NAA60: variants seen among roughly 807,000 people sequenced by gnomAD.
NAA60 encodes N-alpha-acetyltransferase 60.
A neutral mutation model predicts 26.1 loss-of-function variants in NAA60; 8 were observed. That is an observed-to-expected ratio of 0.31 (90% CI 0.18 to 0.55). NAA60 has a LOEUF of 0.55. Among genes scored for constraint, NAA60 ranks in the 20% least tolerant of loss-of-function variants. NAA60 has a pLI of 0.93. For missense variants in NAA60, 290 were observed against 311.3 expected, an observed-to-expected ratio of 0.93 and a Z score of 0.51; for synonymous variants, 131 against 122.5, an observed-to-expected ratio of 1.07 and a Z score of -0.46.
chr16:3,448,582 C>A, intron 2 of NAA60, 42 bp downstream of exon 2: 1 of 1,487,222 alleles, frequency 6.7e-7, no homozygotes, highest in African/African-American at 1.4e-5. Context: ...ATGATGCCCT[C>A]ATAGTCAGAG....
intron 3 of NAA60, among the ~76,000 whole-genome samples, chr16:3,477,704 A>G (rs956927938): frequency 2.0e-5 from 3 of 150,174 alleles, no homozygotes; most frequent in Non-Finnish European, 4.4e-5. Context: ...TGGGAGGCCA[A>G]GGCAGGCCTG....
chr16:3,483,942 A>G (rs2037006909), intron 6 of NAA60: 1 of 321,552 alleles, frequency 3.1e-6, no homozygotes, highest in Non-Finnish European at 5.7e-6. Context: ...CACAAAACGG[A>G]CAGGATCCCC....
intron 2 of NAA60, among the ~76,000 whole-genome samples, chr16:3,459,302 G>C (rs1305839500): frequency 6.6e-6 from 1 of 152,190 alleles, no homozygotes; most frequent in Non-Finnish European, 1.5e-5. Flanking sequence ...ATGTAGCACT[G>C]TGATGTAGAA....
At chr16:3,475,151 G>C (rs543121326) in intron 2 of NAA60, among the ~76,000 whole-genome samples, 3 of 149,032 alleles carry the variant, frequency 2.0e-5, no homozygotes, top group Non-Finnish European at 4.4e-5. Context: ...GTGCAGTGGC[G>C]CAGTCTTGGC....
chr16:3,451,785 G>A (rs1022183772), intron 2 of NAA60, among the ~76,000 whole-genome samples: 5 of 151,668 alleles, frequency 3.3e-5, no homozygotes, highest in Admixed American at 1.3e-4. Context: ...AGGCTTGGTG[G>A]TAGGCGCCTG....
chr16:3,462,086 C>CAAA (rs1228233879), intron 2 of NAA60, among the ~76,000 whole-genome samples: 3 of 76,796 alleles, frequency 3.9e-5, no homozygotes, highest in Admixed American at 3.1e-4. Flanking sequence ...GACCTTATAT[C>CAAA]AAAAAAAAAA....
At chr16:3,445,440 A>T (rs1202764229) in intron 1 of NAA60, among the ~76,000 whole-genome samples, 11 of 144,856 alleles carry the variant, frequency 7.6e-5, no homozygotes, top group Non-Finnish European at 1.5e-4. Flanking sequence ...CGTCCGGCTA[A>T]TTTTTTTTTT....
chr16:3,478,064 AAATAATAAT>A (rs60478448), intron 3 of NAA60, among the ~76,000 whole-genome samples: 6 of 137,226 alleles, frequency 4.4e-5, no homozygotes, highest in South Asian at 2.4e-4. Flanking sequence ...CTCTGTCTCA[AAATAATAAT>A]AATAATAATA....
intron 4 of NAA60, among the ~76,000 whole-genome samples, chr16:3,482,131 A>T (rs1373838216): frequency 6.6e-6 from 1 of 152,152 alleles, no homozygotes; most frequent in Non-Finnish European, 1.5e-5. Context: ...ATCCAGGCCT[A>T]CCAGGTGACA....
At chr16:3,465,511 G>T (rs1355853942) in intron 2 of NAA60, among the ~76,000 whole-genome samples, 1 of 152,142 alleles carries the variant, frequency 6.6e-6, no homozygotes, top group African/African-American at 2.4e-5. Flanking sequence ...CCACAATCCA[G>T]CCCTGGCTCA....
chr16:3,466,133 CT>C (rs2035746082), intron 2 of NAA60, among the ~76,000 whole-genome samples: 1 of 152,256 alleles, frequency 6.6e-6, no homozygotes, highest in Non-Finnish European at 1.5e-5. Flanking sequence ...TCAGCTCCGC[CT>C]TCACCACTCT....
chr16:3,475,816 C>T lies in NAA60; in HGVS notation c.-6-406C>T, dbSNP rs139492549. Among the ~76,000 whole-genome samples the T allele has an allele frequency of 8.7e-4, 132 of 152,378 alleles. 1 individual carries two copies. The highest frequency in any genetic ancestry group is 3.0e-3 in the African/African-American group (125 of 41,592). ...GAAGGGGGATGAGGCATGGGGGCTG[C>T]TGAACCCACAACTGTCACTGGCAGC... On this transcript the variant is annotated intron_variant, in intron 2 of 7. Transcript: ENST00000407558.
chr16:3,451,007 G>A (rs1035805824), intron 2 of NAA60, among the ~76,000 whole-genome samples: 2 of 152,160 alleles, frequency 1.3e-5, no homozygotes, highest in African/African-American at 2.4e-5. Context: ...AGTGTTTAGC[G>A]TATAGCAGAC....
chr16:3,469,927 G>A (rs1396654263), intron 2 of NAA60, among the ~76,000 whole-genome samples: 3 of 152,176 alleles, frequency 2.0e-5, no homozygotes, highest in African/African-American at 2.4e-5. Context: ...CATACCTGCC[G>A]CGTGTCTGTC....
At chr16:3,460,638 T>C (rs77719414) in intron 2 of NAA60, among the ~76,000 whole-genome samples, 12,663 of 152,302 alleles carry the variant, frequency 0.083, 570 homozygotes, top group Admixed American at 0.1. Context: ...GTTCTGGGAT[T>C]ACAGGCGTGA....
chr16:3,460,781 C>T (rs1249270187), intron 2 of NAA60, among the ~76,000 whole-genome samples: 1 of 152,202 alleles, frequency 6.6e-6, no homozygotes, highest in East Asian at 1.9e-4. Flanking sequence ...AAGTAAAATG[C>T]TGATCTGCAA....
At chr16:3,466,867 G>T (rs1296429344) in intron 2 of NAA60, among the ~76,000 whole-genome samples, 8 of 152,142 alleles carry the variant, frequency 5.3e-5, no homozygotes, top group Admixed American at 5.2e-4. Context: ...CTTCACCAGT[G>T]TGCTGGGACA....
chr16:3,452,184 A>G (rs999382507), intron 2 of NAA60, among the ~76,000 whole-genome samples: 7 of 152,078 alleles, frequency 4.6e-5, no homozygotes, highest in Non-Finnish European at 1.0e-4. Flanking sequence ...CTTTACTCCA[A>G]CTTGGATGAC....
Position 3,476,409 on chromosome 16 carries a change from G to T in NAA60, c.110+72G>T, listed in dbSNP as rs2036487430. 6 of 1,250,800 alleles carry T rather than the reference G, an allele frequency of 4.8e-6. No homozygotes were observed. In the South Asian group the frequency reaches 8.0e-5, roughly 17 times the overall value. The allele number at this position is 1,250,800 out of a possible 1,614,324, so 77.5% of individuals were successfully genotyped here. Reference sequence around the variant, plus strand: ...GTGCAGAAGCTGGGCGGCGGGGGTGGGGGCCTCTTGGGCCCTTAGGACCGT... The same window carrying T: ...GTGCAGAAGCTGGGCGGCGGGGGTGTGGGCCTCTTGGGCCCTTAGGACCGT... On this transcript the variant is annotated intron_variant, in intron 3 of 7. Coordinates refer to ENST00000407558, the MANE Select transcript of NAA60 (RefSeq NM_001083601.3).
Sources: gnomAD v4.1 joint callset for allele counts (sites outside exome capture counted in the v4.1 genomes callset) on GRCh38, gnomAD v4.1.1 for gene constraint, MANE v1.5 for transcripts, NCBI Gene and HGNC (gene_info 2026-07-23, HGNC 2026-07-21) for gene names.